LRFN5: variants seen among roughly 807,000 people sequenced by gnomAD.
LRFN5 encodes leucine-rich repeat and fibronectin type-III domain-containing protein 5.
Under a neutral mutation model 45.6 loss-of-function variants are expected in LRFN5, and 24 were observed. That is an observed-to-expected ratio of 0.53 (90% CI 0.38 to 0.74). The LOEUF (loss-of-function observed/expected upper bound fraction) is 0.74. Ranked by LOEUF, LRFN5 falls within the 30% of genes least tolerant of loss-of-function variation. LRFN5 has a pLI of 0.00. For synonymous variants in LRFN5, 340 were observed against 313.8 expected (o/e 1.08, Z -0.88); for missense variants, 776 against 861.5 (o/e 0.90, Z 1.24).
At chr14:41,625,301 C>T (rs1268502290) in intron 1 of LRFN5, among the ~76,000 whole-genome samples, 3 of 152,022 alleles carry the variant, frequency 2.0e-5, no homozygotes, top group African/African-American at 7.2e-5. Context: ...GGGCCATTTC[C>T]CCTATGCTGT....
At chr14:41,869,383 C>G (rs1407364978) in intron 2 of LRFN5, among the ~76,000 whole-genome samples, 1 of 151,622 alleles carries the variant, frequency 6.6e-6, no homozygotes, top group Non-Finnish European at 1.5e-5. Context: ...TCTTACGTTT[C>G]CTAAATGTCA....
chr14:41,706,048 T>A (rs1411940459), intron 1 of LRFN5, among the ~76,000 whole-genome samples: 1 of 152,220 alleles, frequency 6.6e-6, no homozygotes, highest in Non-Finnish European at 1.5e-5. Context: ...TCACTTATGC[T>A]GTTTGTTTAT....
chr14:41,782,495 A>G (rs553231977), intron 2 of LRFN5, among the ~76,000 whole-genome samples: 43 of 152,200 alleles, frequency 2.8e-4, no homozygotes, highest in African/African-American at 9.2e-4. Flanking sequence ...TCCCTCTTTG[A>G]TAACTGCAAA....
At chr14:41,765,951 C>G (rs1230054589) in intron 1 of LRFN5, among the ~76,000 whole-genome samples, 2 of 152,020 alleles carry the variant, frequency 1.3e-5, no homozygotes, top group East Asian at 3.9e-4. Flanking sequence ...TAAGATCATT[C>G]ATATATCTTT....
chr14:41,844,698 A>G (rs1258184302), intron 2 of LRFN5, among the ~76,000 whole-genome samples: 1 of 152,184 alleles, frequency 6.6e-6, no homozygotes, highest in Non-Finnish European at 1.5e-5. Context: ...TGTTTATGAT[A>G]TAAGTACTCC....
chr14:41,847,534 G>C (rs969425116), intron 2 of LRFN5, among the ~76,000 whole-genome samples: 1 of 151,918 alleles, frequency 6.6e-6, no homozygotes, highest in African/African-American at 2.4e-5. Flanking sequence ...ACCATGGTTA[G>C]TATCTTCCTT....
intron 1 of LRFN5, among the ~76,000 whole-genome samples, chr14:41,742,270 C>A (rs1177154180): frequency 7.3e-5 from 11 of 150,344 alleles, no homozygotes; most frequent in African/African-American, 2.4e-4. Flanking sequence ...ATAGAAGCAA[C>A]CTGGTTTTAT....
Position 41,808,549 on chromosome 14 carries a change from TGAAGGAAG to T in LRFN5, c.-21+41560_-21+41567del, listed in dbSNP as rs1167821700. Among the ~76,000 whole-genome samples, 117 of 54,280 alleles carry T rather than the reference TGAAGGAAG, an allele frequency of 2.2e-3. 1 individual carries two copies. In the East Asian group the frequency reaches 0.035, roughly 16 times the overall value. The allele number at this position is 54,280 out of a possible 152,430, so 35.6% of individuals were successfully genotyped here. ...AGGGATGGAGGAAGGAAGGGAGGGA[TGAAGGAAG>T]GAAGGAAGGAAGGAAGGAAGGAAGG... is the stretch of plus-strand genomic sequence containing the variant. On this transcript the variant is annotated intron_variant, in intron 2 of 5. Coordinates refer to ENST00000298119, the MANE Select transcript of LRFN5 (RefSeq NM_152447.5).
In LRFN5 at chr14:41,890,535, G is replaced by A. The variant is rs527830961; in HGVS notation, c.1386-715G>A. Among the ~76,000 whole-genome samples, 40 of 151,394 alleles carry A rather than the reference G, an allele frequency of 2.6e-4. No individual in the cohort carries two copies. In the East Asian group the frequency reaches 7.1e-3, roughly 27 times the overall value. On this transcript the variant is annotated intron_variant, in intron 3 of 5. Coordinates refer to ENST00000298119, the MANE Select transcript of LRFN5 (RefSeq NM_152447.5). ...ATCCTGGCTAACACAGTGAAACCCC[G>A]CCTCTACTAAAAATACAAAAAATTA...
chr14:41,803,250 A>C (rs921095027), intron 2 of LRFN5, among the ~76,000 whole-genome samples: 8 of 152,188 alleles, frequency 5.3e-5, no homozygotes, highest in Non-Finnish European at 8.8e-5. Flanking sequence ...TGCAGTTTTT[A>C]AGTTTTATGT....
At chr14:41,829,233 A>G (rs1888397533) in intron 2 of LRFN5, among the ~76,000 whole-genome samples, 1 of 152,022 alleles carries the variant, frequency 6.6e-6, no homozygotes, top group South Asian at 2.1e-4. Flanking sequence ...CTGTGAACAT[A>G]GAACTGATTT....
chr14:41,711,371 A>T (rs958682549), intron 1 of LRFN5, among the ~76,000 whole-genome samples: 1 of 152,178 alleles, frequency 6.6e-6, no homozygotes, highest in African/African-American at 2.4e-5. Flanking sequence ...CAGGGTACAA[A>T]GCCAGGGCAC....
chr14:41,749,372 G>C (rs984437752), intron 1 of LRFN5, among the ~76,000 whole-genome samples: 3 of 152,088 alleles, frequency 2.0e-5, no homozygotes, highest in Non-Finnish European at 4.4e-5. Context: ...AGTGCAAATA[G>C]AACCAAAGGA....
At chr14:41,882,177 G>A (rs566589496) in intron 2 of LRFN5, among the ~76,000 whole-genome samples, 1 of 152,180 alleles carries the variant, frequency 6.6e-6, no homozygotes, top group Admixed American at 6.5e-5. Flanking sequence ...CAGCTCTGGG[G>A]CCAGATTTGT....
chr14:41,674,905 CG>C (rs776585473), intron 1 of LRFN5, among the ~76,000 whole-genome samples: 31 of 151,656 alleles, frequency 2.0e-4, no homozygotes, highest in Non-Finnish European at 3.1e-4. Context: ...CGGGCAGAGA[CG>C]CTCCTCACCT....
intron 2 of LRFN5, among the ~76,000 whole-genome samples, chr14:41,802,055 T>C (rs976892132): frequency 6.6e-6 from 1 of 152,176 alleles, no homozygotes; most frequent in Admixed American, 6.5e-5. Context: ...TTTTTGCAAC[T>C]GATTTAATGC....
At chr14:41,893,018 C>T (rs893725170) in intron 4 of LRFN5, 25 of 984,326 alleles carry the variant, frequency 2.5e-5, no homozygotes, top group Non-Finnish European at 2.9e-5. Context: ...ATGGTGTTCT[C>T]ATTATATTTA....
At chr14:41,893,654 C>T in intron 4 of LRFN5, 1 of 985,302 alleles carries the variant, frequency 1.0e-6, no homozygotes. Context: ...TTACTGTTAA[C>T]TTGACAAAGC....
intron 1 of LRFN5, among the ~76,000 whole-genome samples, chr14:41,642,805 C>T (rs1253197058): frequency 2.6e-5 from 4 of 151,950 alleles, no homozygotes; most frequent in Non-Finnish European, 2.9e-5. Flanking sequence ...TGAACTGTAG[C>T]GTAAAAGGCT....
Sources: gnomAD v4.1 joint callset for allele counts (sites outside exome capture counted in the v4.1 genomes callset) on GRCh38, gnomAD v4.1.1 for gene constraint, MANE v1.5 for transcripts, NCBI Gene and HGNC (gene_info 2026-07-23, HGNC 2026-07-21) for gene names.